Variants in KALRN observed in about 807,000 individuals in gnomAD.
The protein encoded by KALRN is kalirin RhoGEF kinase, also known as kalirin.
A neutral mutation model predicts 353.7 loss-of-function variants in KALRN; 70 were observed. The observed-to-expected ratio is 0.20, with a 90% confidence interval of 0.16 to 0.24. KALRN has a LOEUF of 0.24. Ranked by LOEUF, KALRN falls within the 10% of genes least tolerant of loss-of-function variation. KALRN has a pLI of 1.00. For missense variants in KALRN, 2,791 were observed against 3,756.7 expected (o/e 0.74, Z 6.72); for synonymous variants, 1,391 against 1,434.8 (o/e 0.97, Z 0.69).
chr3:124,664,371 G>GTGCGCGCGCGCGCGTGCA (rs780486751), intron 45 of KALRN, among the ~76,000 whole-genome samples: 32 of 77,036 alleles, frequency 4.2e-4, no homozygotes, highest in African/African-American at 2.5e-3. Context: ...GTGTGTGTGT[G>GTGCGCGCGCGCGCGTGCA]CGCGCGCGCG....
chr3:124,313,844 T>G (rs2078532505), intron 6 of KALRN, among the ~76,000 whole-genome samples: 1 of 152,156 alleles, frequency 6.6e-6, no homozygotes, highest in African/African-American at 2.4e-5. Flanking sequence ...GGTCAAACTC[T>G]AAAGTTATCA....
chr3:124,539,129 C>T (rs6798525), intron 33 of KALRN, among the ~76,000 whole-genome samples: 2,227 of 152,212 alleles, frequency 0.015, 28 homozygotes, highest in East Asian at 0.071. Context: ...CTGTAGCCTG[C>T]CAGATGAAGG....
At chr3:124,683,101 C>T (rs923643505) in intron 51 of KALRN, among the ~76,000 whole-genome samples, 6 of 152,130 alleles carry the variant, frequency 3.9e-5, no homozygotes, top group South Asian at 2.1e-4. Context: ...AGGGGGGCAT[C>T]ATACATGAAA....
chr3:124,328,515 G>C (rs1440599934), intron 7 of KALRN, among the ~76,000 whole-genome samples: 3 of 152,128 alleles, frequency 2.0e-5, no homozygotes, highest in Non-Finnish European at 4.4e-5. Context: ...TTGCTCCCAG[G>C]GTCATTTGTA....
chr3:124,390,134 G>A (rs913230020), intron 11 of KALRN, among the ~76,000 whole-genome samples: 2 of 152,212 alleles, frequency 1.3e-5, no homozygotes, highest in Non-Finnish European at 2.9e-5. Context: ...ATTGACCCGA[G>A]TCCTCATTCT....
chr3:124,601,799 G>T (rs2076830922), intron 34 of KALRN, among the ~76,000 whole-genome samples: 1 of 152,114 alleles, frequency 6.6e-6, no homozygotes, highest in Admixed American at 6.6e-5. Context: ...GGAGGCCAAG[G>T]TGGGTGGATT....
chr3:124,323,310 G>A (rs1390713563), intron 6 of KALRN, among the ~76,000 whole-genome samples: 1 of 152,106 alleles, frequency 6.6e-6, no homozygotes, highest in Non-Finnish European at 1.5e-5. Context: ...ACAGGGAGTC[G>A]CTTCTACCTC....
intron 1 of KALRN, among the ~76,000 whole-genome samples, chr3:124,107,930 C>A (rs1226812088): frequency 6.6e-6 from 1 of 152,212 alleles, no homozygotes; most frequent in Non-Finnish European, 1.5e-5. Context: ...CTTTGGCAAG[C>A]TTTCTGAACC....
Position 124,352,478 on chromosome 3 carries a change from T to C in KALRN, c.1770+5213T>C, listed in dbSNP as rs981540187. Among the ~76,000 whole-genome samples the C allele has an allele frequency of 4.6e-5, 7 of 152,196 alleles. No homozygotes were observed. In the South Asian group the frequency reaches 6.2e-4, roughly 14 times the overall value. On this transcript the variant is annotated intron_variant, in intron 10 of 59. Coordinates refer to ENST00000682506, the MANE Select transcript of KALRN (RefSeq NM_001388419.1). ...ATTAGCAAGCGTTTATGTTCAAATA[T>C]ATATTATCTAAAGCCTCAGAGCACC...
At chr3:124,214,988 A>G (rs983326433) in intron 1 of KALRN, among the ~76,000 whole-genome samples, 2 of 152,160 alleles carry the variant, frequency 1.3e-5, no homozygotes, top group Non-Finnish European at 2.9e-5. Flanking sequence ...TTCAGTAGGC[A>G]TGCTTCTCAG....
intron 1 of KALRN, chr3:124,082,127 C>A (rs2060572947): frequency 5.2e-6 from 2 of 385,310 alleles, no homozygotes. Context: ...CCCTGGATGC[C>A]CAGCTGCAAT....
chr3:124,559,883 A>G (rs1029145336), intron 33 of KALRN, among the ~76,000 whole-genome samples: 12 of 152,334 alleles, frequency 7.9e-5, no homozygotes, highest in Non-Finnish European at 1.6e-4. Context: ...TTCATCATCT[A>G]TTTGAACCAT....
intron 37 of KALRN, among the ~76,000 whole-genome samples, chr3:124,642,806 G>GTTTCTTTGTTGTTGTTGTTTTTTTTTTTT (rs2082196587): frequency 1.0e-5 from 1 of 96,840 alleles, no homozygotes; most frequent in African/African-American, 4.5e-5. Flanking sequence ...CCCAAGCCTC[G>GTTTCTTTGTTGTTGTTGTTTTTTTTTTTT]TTTTTTTTTT....
chr3:124,625,631 A>G (rs1370680629), intron 34 of KALRN, among the ~76,000 whole-genome samples: 1 of 152,218 alleles, frequency 6.6e-6, no homozygotes, highest in African/African-American at 2.4e-5. Flanking sequence ...TACCACAGAC[A>G]GTTTGGGAAG....
chr3:124,616,086 A>T (rs757381125), intron 34 of KALRN, among the ~76,000 whole-genome samples: 1 of 152,218 alleles, frequency 6.6e-6, no homozygotes, highest in Non-Finnish European at 1.5e-5. Context: ...GCAAACAAGC[A>T]GTCTTTGACC....
chr3:124,273,837 T>C (rs1399317496), intron 5 of KALRN, among the ~76,000 whole-genome samples: 1 of 152,200 alleles, frequency 6.6e-6, no homozygotes, highest in African/African-American at 2.4e-5. Flanking sequence ...GGTCTATAAC[T>C]AATGGGCCTG....
At chr3:124,228,178 G>A (rs2078782204) in intron 2 of KALRN, 114 bp downstream of exon 2, 1 of 848,868 alleles carries the variant, frequency 1.2e-6, no homozygotes, top group South Asian at 1.4e-5. Flanking sequence ...GGGAAGTTAT[G>A]CTTGGGGCAG....
intron 34 of KALRN, among the ~76,000 whole-genome samples, chr3:124,572,901 G>A (rs1224665856): frequency 1.3e-5 from 2 of 151,974 alleles, no homozygotes; most frequent in Non-Finnish European, 2.9e-5. Context: ...GCCGGGCATG[G>A]TGGTGAGTGC....
intron 1 of KALRN, among the ~76,000 whole-genome samples, chr3:124,063,012 C>G (rs985366934): frequency 6.6e-6 from 1 of 152,108 alleles, no homozygotes; most frequent in South Asian, 2.1e-4. Flanking sequence ...GAGGAGAGAG[C>G]TAGATGCACA....
Sources: gnomAD v4.1 joint callset for allele counts (sites outside exome capture counted in the v4.1 genomes callset) on GRCh38, gnomAD v4.1.1 for gene constraint, MANE v1.5 for transcripts, NCBI Gene and HGNC (gene_info 2026-07-23, HGNC 2026-07-21) for gene names.